MEIS2: variants seen among roughly 807,000 people sequenced by gnomAD.
The protein encoded by MEIS2 is homeobox protein Meis2.
MEIS2 carries 9 observed loss-of-function variants against 58.6 expected under a neutral mutation model. The observed-to-expected ratio is 0.15, with a 90% CI of 0.09 to 0.27. The LOEUF (loss-of-function observed/expected upper bound fraction) is 0.27, where lower values mean the gene tolerates loss of function less well. MEIS2 is among the 10% of genes least tolerant of loss of function. The pLI, the probability that MEIS2 is intolerant of heterozygous loss-of-function variation, is 1.00. For synonymous variants in MEIS2, 221 were observed against 228.4 expected (o/e 0.97, Z 0.29); for missense variants, 427 against 635.0 (o/e 0.67, Z 3.52).
At chr15:36,910,493 G>A (rs1424581133) in intron 9 of MEIS2, among the ~76,000 whole-genome samples, 2 of 152,098 alleles carry the variant, frequency 1.3e-5, no homozygotes, top group African/African-American at 4.8e-5. Flanking sequence ...AGATTTTGAG[G>A]GGCACTCGGG....
At chr15:36,938,915 T>C (rs1044632986) in intron 9 of MEIS2, among the ~76,000 whole-genome samples, 3 of 152,192 alleles carry the variant, frequency 2.0e-5, no homozygotes, top group Admixed American at 6.5e-5. Context: ...CATCGTCTTT[T>C]GTCAAACACT....
At chr15:36,995,445 T>C (rs1207020956) in intron 8 of MEIS2, among the ~76,000 whole-genome samples, 1 of 152,020 alleles carries the variant, frequency 6.6e-6, no homozygotes, top group Non-Finnish European at 1.5e-5. Context: ...TGTTTTTACT[T>C]ACATTTTGAT....
intron 7 of MEIS2, among the ~76,000 whole-genome samples, chr15:37,044,795 T>G (rs989741315): frequency 6.6e-6 from 1 of 152,232 alleles, no homozygotes; most frequent in Non-Finnish European, 1.5e-5. Context: ...ATCTGTTTAC[T>G]AGTTTGTCTG....
At chr15:37,020,911 C>A (rs1042895433) in intron 8 of MEIS2, among the ~76,000 whole-genome samples, 15 of 152,162 alleles carry the variant, frequency 9.9e-5, no homozygotes, top group Non-Finnish European at 5.9e-5. Context: ...GAAACCCCAG[C>A]CTCCATATGA....
At chr15:37,012,002 T>G (rs1176772269) in intron 8 of MEIS2, among the ~76,000 whole-genome samples, 1 of 152,192 alleles carries the variant, frequency 6.6e-6, no homozygotes, top group African/African-American at 2.4e-5. Flanking sequence ...TACCAGGTTT[T>G]ACCTTAGGCT....
chr15:36,971,537 T>TAAAAAAAAAAAAAAA lies in MEIS2; in HGVS notation c.901-21152_901-21138dup. 4.2e-3 allele frequency among the ~76,000 whole-genome samples: 283 copies of TAAAAAAAAAAAAAAA among 67,042 alleles called. 33 individuals are homozygous for TAAAAAAAAAAAAAAA. The highest frequency in any genetic ancestry group is 4.7e-3 in the Non-Finnish European group (181 of 38,764). The allele number at this position is 67,042 out of a possible 152,430, so 44.0% of individuals were successfully genotyped here. ...GTATTACTTGTATGCCTTGTTACAT[T>TAAAAAAAAAAAAAAA]AAAAAAAAAAAAAAAAAAAAAAAAA... On this transcript the variant is annotated intron_variant, in intron 8 of 11. Transcript: ENST00000561208.
intron 8 of MEIS2, among the ~76,000 whole-genome samples, chr15:37,028,365 C>T (rs982367707): frequency 2.6e-5 from 4 of 152,190 alleles, no homozygotes; most frequent in African/African-American, 9.6e-5. Flanking sequence ...ACACATCAGT[C>T]TTTCCATGCA....
At chr15:36,968,714 GCAGT>G (rs2059434479) in intron 8 of MEIS2, among the ~76,000 whole-genome samples, 2 of 152,136 alleles carry the variant, frequency 1.3e-5, no homozygotes, top group Admixed American at 6.5e-5. Context: ...ATTCACTTGT[GCAGT>G]CAAAGGAATC....
chr15:36,942,613 T>G (rs541138080), intron 9 of MEIS2, among the ~76,000 whole-genome samples: 1 of 152,304 alleles, frequency 6.6e-6, no homozygotes, highest in East Asian at 1.9e-4. Flanking sequence ...TTTAGAAGGC[T>G]GCTCTCCAGT....
At chr15:36,983,620 C>A (rs921692717) in intron 8 of MEIS2, among the ~76,000 whole-genome samples, 1 of 151,910 alleles carries the variant, frequency 6.6e-6, no homozygotes, top group Non-Finnish European at 1.5e-5. Context: ...ATTGCTTTGG[C>A]TATTTGGAAT....
intron 8 of MEIS2, among the ~76,000 whole-genome samples, chr15:37,009,295 A>T (rs2061043838): frequency 6.6e-6 from 1 of 152,234 alleles, no homozygotes; most frequent in Non-Finnish European, 1.5e-5. Flanking sequence ...TCTCAAAAAA[A>T]AATAAAAAAT....
chr15:37,097,853 C>G, intron 2 of MEIS2, 114 bp downstream of exon 2: 1 of 1,406,864 alleles, frequency 7.1e-7, no homozygotes, highest in Non-Finnish European at 9.3e-7. Flanking sequence ...GGCGCCCGCC[C>G]CCCACCATAC....
At chr15:36,962,756 A>G (rs1204152675) in intron 8 of MEIS2, among the ~76,000 whole-genome samples, 1 of 152,228 alleles carries the variant, frequency 6.6e-6, no homozygotes, top group African/African-American at 2.4e-5. Context: ...AGTAATTGGA[A>G]ATATAACCTC....
At chr15:36,995,732 C>A (rs61392179) in intron 8 of MEIS2, among the ~76,000 whole-genome samples, 12,080 of 26,980 alleles carry the variant, frequency 0.45, 3,531 homozygotes, top group Non-Finnish European at 0.53. Context: ...AAAAAAAAAA[C>A]AAAGAAAAGA....
At chr15:36,967,013 G>T (rs1159664858) in intron 8 of MEIS2, among the ~76,000 whole-genome samples, 1 of 152,162 alleles carries the variant, frequency 6.6e-6, no homozygotes, top group South Asian at 2.1e-4. Context: ...GTTAAAGGAT[G>T]TAAGTACTAA....
intron 9 of MEIS2, among the ~76,000 whole-genome samples, chr15:36,924,096 T>A (rs2057639140): frequency 6.6e-6 from 1 of 152,198 alleles, no homozygotes; most frequent in South Asian, 2.1e-4. Flanking sequence ...CCAGAACAAA[T>A]GCCCATGTTT....
chr15:37,061,203 A>C (rs1023050154), intron 7 of MEIS2, among the ~76,000 whole-genome samples: 9 of 152,168 alleles, frequency 5.9e-5, no homozygotes, highest in African/African-American at 2.2e-4. Flanking sequence ...CTGGGTGCAC[A>C]CAAATATTCT....
intron 9 of MEIS2, among the ~76,000 whole-genome samples, chr15:36,928,921 G>A (rs953791111): frequency 1.3e-5 from 2 of 151,592 alleles, no homozygotes; most frequent in Non-Finnish European, 2.9e-5. Flanking sequence ...TATAAAAAAA[G>A]ATCAAAAAAA....
At chr15:36,960,233 G>T (rs2059135777) in intron 8 of MEIS2, among the ~76,000 whole-genome samples, 1 of 151,940 alleles carries the variant, frequency 6.6e-6, no homozygotes, top group South Asian at 2.1e-4. Context: ...GTTGTTTAAA[G>T]AAGCTGAGGG....
Sources: allele counts gnomAD v4.1 joint callset (sites outside exome capture counted in the v4.1 genomes callset), GRCh38; gene constraint gnomAD v4.1.1; transcripts MANE v1.5; gene names NCBI Gene and HGNC (gene_info 2026-07-23, HGNC 2026-07-21).